The following RALYL variants were observed in gnomAD, a reference collection of about 807,000 sequenced individuals.
RALYL encodes RNA-binding Raly-like protein.
RALYL carries 29 observed loss-of-function variants against 35.1 expected under a neutral mutation model. The ratio of observed to expected loss-of-function variants is 0.83; its 90% confidence interval spans 0.61 to 1.13. The LOEUF (loss-of-function observed/expected upper bound fraction) is 1.13. Ranked by LOEUF, RALYL falls within the 50% of genes most tolerant of loss-of-function variation. The pLI, the probability that RALYL is intolerant of heterozygous loss-of-function variation, is 0.00. For missense variants in RALYL, 359 were observed against 360.4 expected (o/e 1.00, Z 0.03); for synonymous variants, 120 against 127.6 (o/e 0.94, Z 0.40).
intron 2 of RALYL, among the ~76,000 whole-genome samples, chr8:84,616,809 T>G (rs1251337912): frequency 6.6e-6 from 1 of 151,906 alleles, no homozygotes; most frequent in Non-Finnish European, 1.5e-5. Flanking sequence ...TTTCTACATA[T>G]GCCTAGTCAG....
chr8:84,679,727 T>C (rs1486557689), intron 2 of RALYL: 10 of 522,292 alleles, frequency 1.9e-5, no homozygotes, highest in African/African-American at 3.9e-5. Flanking sequence ...CAATATTAAG[T>C]GCTGATGGCC....
intron 2 of RALYL, among the ~76,000 whole-genome samples, chr8:84,602,541 G>A (rs777250562): frequency 1.3e-5 from 2 of 151,948 alleles, no homozygotes; most frequent in South Asian, 2.1e-4. Context: ...TAATAGAAAC[G>A]TATTGGAGGC....
At chr8:84,304,844 A>G (rs1841496105) in intron 1 of RALYL, among the ~76,000 whole-genome samples, 1 of 152,208 alleles carries the variant, frequency 6.6e-6, no homozygotes, top group Admixed American at 6.5e-5. Flanking sequence ...AGATATGTAC[A>G]TTGAGATAAG....
intron 1 of RALYL, among the ~76,000 whole-genome samples, chr8:84,435,391 AG>A (rs2047602919): frequency 6.6e-6 from 1 of 152,154 alleles, no homozygotes; most frequent in Non-Finnish European, 1.5e-5. Flanking sequence ...TTTTTCTCAA[AG>A]CACAAATTTA....
chr8:84,313,364 T>G (rs773658241), intron 1 of RALYL, among the ~76,000 whole-genome samples: 4 of 152,242 alleles, frequency 2.6e-5, no homozygotes, highest in Non-Finnish European at 4.4e-5. Flanking sequence ...TCATTACTTA[T>G]GCAAATTTCT....
intron 2 of RALYL, among the ~76,000 whole-genome samples, chr8:84,600,200 A>G (rs143170196): frequency 2.3e-3 from 349 of 152,202 alleles, no homozygotes; most frequent in African/African-American, 5.2e-3. Context: ...TCTAATACAG[A>G]ATAGTGTAAT....
rs562274221 is a variant in RALYL at position 84,209,330 on chromosome 8, C to T, written c.-24+24906C>T. ...CCTTTCTGTGGCCACTTTGTGGCCC[C>T]GGTTATGAAAGCTTTTTAGTTTTAC... On this transcript the variant is annotated intron_variant, in intron 1 of 8. Transcript: ENST00000521268. Among the ~76,000 whole-genome samples the T allele has an allele frequency of 8.1e-4, 123 of 152,110 alleles. 1 individual carries two copies. Among genetic ancestry groups the T allele is most frequent in the African/African-American group, 2.7e-3 (110 of 41,480 alleles).
At chr8:84,791,584 G>A (rs1820791770) in intron 3 of RALYL, among the ~76,000 whole-genome samples, 2 of 152,136 alleles carry the variant, frequency 1.3e-5, no homozygotes, top group Non-Finnish European at 2.9e-5. Context: ...TGGAGTGTTA[G>A]GGTAGAATGT....
chr8:84,423,532 G>T (rs1425189095), intron 1 of RALYL, among the ~76,000 whole-genome samples: 1 of 152,042 alleles, frequency 6.6e-6, no homozygotes, highest in South Asian at 2.1e-4. Context: ...TTTAATTGGA[G>T]AATTTAGTCC....
At chr8:84,848,849 T>A (rs1244700737) in intron 4 of RALYL, among the ~76,000 whole-genome samples, 12 of 152,168 alleles carry the variant, frequency 7.9e-5, no homozygotes, top group Non-Finnish European at 1.5e-4. Context: ...CTTTTTTTTT[T>A]AAATTACTCC....
chr8:84,438,715 G>A (rs767009125), intron 1 of RALYL, among the ~76,000 whole-genome samples: 3 of 151,736 alleles, frequency 2.0e-5, no homozygotes, highest in South Asian at 2.1e-4. Flanking sequence ...TATAGTTTGC[G>A]GTCTTATATT....
intron 2 of RALYL, among the ~76,000 whole-genome samples, chr8:84,606,700 G>A (rs372059913): frequency 1.1e-4 from 16 of 152,120 alleles, no homozygotes; most frequent in East Asian, 3.9e-4. Flanking sequence ...TTGAATGGCT[G>A]GGAATTCATA....
intron 5 of RALYL, among the ~76,000 whole-genome samples, chr8:84,859,792 G>T (rs1349489994): frequency 2.0e-5 from 3 of 152,118 alleles, no homozygotes; most frequent in Non-Finnish European, 4.4e-5. Flanking sequence ...AGAGGTTGCA[G>T]TGAGGTCACA....
At chr8:84,864,094 G>C (rs984736250) in intron 6 of RALYL, among the ~76,000 whole-genome samples, 1 of 152,124 alleles carries the variant, frequency 6.6e-6, no homozygotes, top group African/African-American at 2.4e-5. Context: ...AATGTGAAGA[G>C]ACTTTACAGT....
intron 1 of RALYL, among the ~76,000 whole-genome samples, chr8:84,342,375 C>T (rs1332326864): frequency 6.9e-6 from 1 of 145,290 alleles, no homozygotes; most frequent in Non-Finnish European, 1.5e-5. Flanking sequence ...TCTGTGAAGG[C>T]ATCAGCACAG....
chr8:84,878,758 G>A lies in RALYL; in HGVS notation c.685+5361G>A, dbSNP rs578262105. 3.4e-3 allele frequency among the ~76,000 whole-genome samples: 520 copies of A among 151,188 alleles called. 7 individuals are homozygous for A. Among genetic ancestry groups the A allele is most frequent in the African/African-American group, 0.012 (500 of 41,170 alleles). ...AAATAACTCAATACAATGATTGGAAGACAAAATTGGAAAAACTCTCCCAGA... is the reference window on the plus strand; with the variant it reads ...AAATAACTCAATACAATGATTGGAAAACAAAATTGGAAAAACTCTCCCAGA... On this transcript the variant is annotated intron_variant, in intron 7 of 8. Coordinates refer to ENST00000521268, the MANE Select transcript of RALYL (RefSeq NM_173848.7).
intron 1 of RALYL, among the ~76,000 whole-genome samples, chr8:84,398,858 C>T (rs897399670): frequency 1.3e-5 from 2 of 151,912 alleles, no homozygotes; most frequent in African/African-American, 4.8e-5. Flanking sequence ...CCCGTAGTCC[C>T]AGCTACTCGG....
intron 2 of RALYL, among the ~76,000 whole-genome samples, chr8:84,536,431 A>G (rs1254942920): frequency 1.3e-5 from 2 of 152,194 alleles, no homozygotes; most frequent in Non-Finnish European, 2.9e-5. Context: ...CATCCATCCT[A>G]TTTCACTTTG....
intron 8 of RALYL, among the ~76,000 whole-genome samples, chr8:84,918,587 A>G (rs1181228056): frequency 2.0e-5 from 3 of 152,138 alleles, no homozygotes; most frequent in African/African-American, 7.2e-5. Context: ...TACTAAAACA[A>G]TCAGCTCCAT....
Sources: allele counts gnomAD v4.1 joint callset (sites outside exome capture counted in the v4.1 genomes callset), GRCh38; gene constraint gnomAD v4.1.1; transcripts MANE v1.5; gene names NCBI Gene and HGNC (gene_info 2026-07-23, HGNC 2026-07-21).